Variants in SLCO3A1 observed in about 807,000 individuals in gnomAD.
The protein encoded by SLCO3A1 is solute carrier organic anion transporter family member 3A1, also known as PGE1 transporter.
In SLCO3A1, 27 loss-of-function variants were observed where a neutral mutation model predicts 63.1. The observed-to-expected ratio is 0.43, with a 90% CI of 0.32 to 0.59. SLCO3A1 has a LOEUF of 0.59. Ranked by LOEUF, SLCO3A1 falls within the 20% of genes least tolerant of loss-of-function variation. The probability of loss-of-function intolerance (pLI) is 0.09; values close to 1 mark genes in which losing one functional copy is unlikely to be tolerated. For synonymous variants in SLCO3A1, 473 were observed against 409.9 expected (o/e 1.15, Z -1.86); for missense variants, 773 against 945.8 (o/e 0.82, Z 2.40).
chr15:91,972,707 C>T (rs944153064), intron 2 of SLCO3A1, among the ~76,000 whole-genome samples: 1 of 152,184 alleles, frequency 6.6e-6, no homozygotes, highest in Non-Finnish European at 1.5e-5. Flanking sequence ...CCTTGTCCTC[C>T]AGGTCAGGAC....
intron 2 of SLCO3A1, among the ~76,000 whole-genome samples, chr15:92,060,322 G>A (rs906204591): frequency 1.3e-5 from 2 of 152,104 alleles, no homozygotes; most frequent in Admixed American, 1.3e-4. Context: ...TAGTTTGGGA[G>A]GCCAAGGTAG....
At chr15:92,025,222 T>C (rs941060388) in intron 2 of SLCO3A1, among the ~76,000 whole-genome samples, 1 of 151,982 alleles carries the variant, frequency 6.6e-6, no homozygotes, top group Non-Finnish European at 1.5e-5. Context: ...TGTTTTGTGT[T>C]AGAAGAGTGG....
At chr15:92,041,050 T>G (rs1270923425) in intron 2 of SLCO3A1, among the ~76,000 whole-genome samples, 1 of 152,152 alleles carries the variant, frequency 6.6e-6, no homozygotes, top group Non-Finnish European at 1.5e-5. Context: ...GCCCATCTCA[T>G]GGGGTTGTTT....
At position 92,163,507 on chromosome 15, in the gene SLCO3A1, A is replaced by G; in HGVS notation, c.*372A>G. 2.0e-6 allele frequency: 2 copies of G among 998,830 alleles called. No homozygotes were observed. Among genetic ancestry groups the G allele is most frequent in the Non-Finnish European group, 2.4e-6 (2 of 839,330 alleles). 61.9% of individuals were successfully genotyped at this position (998,830 alleles called of 1,614,324 possible). ...GACATTTCTGGATACACATACACAT[A>G]CAAAACAGAAAACATTTTTTAAAAG... is the stretch of plus-strand genomic sequence containing the variant. On this transcript the variant is annotated 3_prime_UTR_variant, in exon 10 of 10. Transcript: ENST00000318445.
At chr15:91,880,746 TAG>T (rs1897561092) in intron 1 of SLCO3A1, among the ~76,000 whole-genome samples, 1 of 152,178 alleles carries the variant, frequency 6.6e-6, no homozygotes. Flanking sequence ...GTACTCCTGT[TAG>T]TTAACCGTTC....
intron 2 of SLCO3A1, among the ~76,000 whole-genome samples, chr15:92,038,122 G>A (rs557086691): frequency 4.3e-4 from 66 of 152,296 alleles, no homozygotes; most frequent in Non-Finnish European, 8.8e-4. Context: ...GTTTCTCTAA[G>A]GAAGCAGTAG....
intron 7 of SLCO3A1, among the ~76,000 whole-genome samples, chr15:92,135,040 T>A (rs972781473): frequency 6.6e-6 from 1 of 152,156 alleles, no homozygotes; most frequent in Admixed American, 6.5e-5. Context: ...CAGGCTTTCA[T>A]CATGAAGGGT....
At chr15:92,028,908 A>AGTGTGTGTGTGTGTGTGC (rs2046610248) in intron 2 of SLCO3A1, among the ~76,000 whole-genome samples, 1 of 120,072 alleles carries the variant, frequency 8.3e-6, no homozygotes, top group African/African-American at 3.4e-5. Context: ...TGCAGGCACA[A>AGTGTGTGTGTGTGTGTGC]GTGTGTGTGT....
chr15:92,171,987 A>G, exon 11 of SLCO3A1: 1 of 723,650 alleles, frequency 1.4e-6, no homozygotes, highest in Admixed American at 2.2e-5. Flanking sequence ...TTATCCAGCC[A>G]GTGTGTGGTC....
rs140214037 is a variant in SLCO3A1 at position 92,011,386 on chromosome 15, A to G, written c.647-83495A>G. Among the ~76,000 whole-genome samples the G allele has an allele frequency of 1.9e-4, 29 of 152,292 alleles. No homozygotes were observed. In the East Asian group the frequency reaches 5.2e-3, roughly 27 times the overall value. On this transcript the variant is annotated intron_variant, in intron 2 of 9. Coordinates refer to ENST00000318445, the MANE Select transcript of SLCO3A1 (RefSeq NM_013272.4). Reference sequence around the variant, plus strand: ...CTTCTCATGCTATTTTGAGATTACAATGCCTTATTGTTGACTGTAGTCACC... The same window carrying G: ...CTTCTCATGCTATTTTGAGATTACAGTGCCTTATTGTTGACTGTAGTCACC...
At chr15:91,945,290 C>T (rs73530673) in intron 2 of SLCO3A1, among the ~76,000 whole-genome samples, 2,756 of 149,652 alleles carry the variant, frequency 0.018, 87 homozygotes, top group African/African-American at 0.065. Context: ...TGCAGTGAAC[C>T]TAGATTATAC....
chr15:91,871,436 T>C (rs549797529), intron 1 of SLCO3A1, among the ~76,000 whole-genome samples: 12 of 152,322 alleles, frequency 7.9e-5, no homozygotes, highest in South Asian at 6.2e-4. Flanking sequence ...GGGTTTCACG[T>C]TGGACTCCCA....
chr15:91,914,742 G>A (rs1898598716), intron 1 of SLCO3A1, among the ~76,000 whole-genome samples: 1 of 151,784 alleles, frequency 6.6e-6, no homozygotes, highest in South Asian at 2.1e-4. Flanking sequence ...TCGCTAAATT[G>A]TGTATTTTTA....
intron 1 of SLCO3A1, among the ~76,000 whole-genome samples, chr15:91,877,300 T>G (rs777957791): frequency 1.3e-5 from 2 of 152,182 alleles, no homozygotes; most frequent in Non-Finnish European, 2.9e-5. Context: ...ATATCAGACC[T>G]CCCTCTCTAA....
intron 2 of SLCO3A1, among the ~76,000 whole-genome samples, chr15:92,015,753 A>T (rs1240915873): frequency 6.6e-6 from 1 of 152,180 alleles, no homozygotes; most frequent in Non-Finnish European, 1.5e-5. Flanking sequence ...GCTGATGATA[A>T]GACTGGTCCA....
At chr15:92,146,928 T>C (rs367874111) in intron 7 of SLCO3A1, 56 bp from the exon 8 acceptor site, 18 of 1,511,500 alleles carry the variant, frequency 1.2e-5, no homozygotes, top group Non-Finnish European at 1.4e-5. Context: ...TGGATGGCTT[T>C]GCCTTTGGAA....
intron 1 of SLCO3A1, among the ~76,000 whole-genome samples, chr15:91,877,758 A>AAAAAGGGGTGTGGTCTATAGAAGG (rs1322621125): frequency 1.3e-5 from 2 of 152,076 alleles, no homozygotes; most frequent in Non-Finnish European, 2.9e-5. Flanking sequence ...AGGTTTTTGC[A>AAAAAGGGGTGTGGTCTATAGAAGG]AAAAGGGGTG....
intron 2 of SLCO3A1, among the ~76,000 whole-genome samples, chr15:91,970,186 C>T (rs1900808444): frequency 6.6e-6 from 1 of 152,210 alleles, no homozygotes; most frequent in African/African-American, 2.4e-5. Flanking sequence ...CGTGAGCAAG[C>T]ACATGTAGCA....
chr15:92,053,253 G>A (rs1178157164), intron 2 of SLCO3A1, among the ~76,000 whole-genome samples: 2 of 152,152 alleles, frequency 1.3e-5, no homozygotes, highest in African/African-American at 4.8e-5. Context: ...GCAGGACTGT[G>A]CTTCCAGATG....
Sources: allele counts gnomAD v4.1 joint callset (sites outside exome capture counted in the v4.1 genomes callset), GRCh38; gene constraint gnomAD v4.1.1; transcripts MANE v1.5; gene names NCBI Gene and HGNC (gene_info 2026-07-23, HGNC 2026-07-21).